Variants in ADK observed in about 807,000 individuals in gnomAD.
The protein encoded by ADK is adenosine kinase, also known as N6,N6-dimethyladenosine kinase.
In ADK, 24 loss-of-function variants were observed where a neutral mutation model predicts 44.7. The observed-to-expected ratio is 0.54, with a 90% CI of 0.39 to 0.76. The LOEUF (loss-of-function observed/expected upper bound fraction) is 0.76, where lower values mean the gene tolerates loss of function less well. Ranked by LOEUF, ADK falls within the 30% of genes least tolerant of loss-of-function variation. The probability of loss-of-function intolerance (pLI) is 0.00; values close to 1 mark genes in which losing one functional copy is unlikely to be tolerated. For synonymous variants in ADK, 128 were observed against 142.6 expected, an observed-to-expected ratio of 0.90 and a Z score of 0.73; for missense variants, 321 against 425.1, an observed-to-expected ratio of 0.76 and a Z score of 2.15.
At chr10:74,283,388 G>T (rs1019728499) in intron 3 of ADK, among the ~76,000 whole-genome samples, 1 of 151,232 alleles carries the variant, frequency 6.6e-6, no homozygotes, top group Non-Finnish European at 1.5e-5. Context: ...GGCATGCTCG[G>T]TTATTTCAGC....
At chr10:74,607,556 G>T (rs189045606) in intron 9 of ADK, among the ~76,000 whole-genome samples, 170 of 152,224 alleles carry the variant, frequency 1.1e-3, no homozygotes, top group African/African-American at 3.5e-3. Context: ...TTGAATGTTG[G>T]TCCTCACTCT....
intron 1 of ADK, 34 bp downstream of exon 1, chr10:74,151,377 G>A (rs972666273): frequency 1.3e-6 from 2 of 1,548,450 alleles, no homozygotes; most frequent in African/African-American, 1.4e-5. Flanking sequence ...GGAGGGTGAC[G>A]GCGCTGCAAG....
intron 2 of ADK, among the ~76,000 whole-genome samples, chr10:74,214,126 C>T (rs916042719): frequency 2.0e-5 from 3 of 152,108 alleles, no homozygotes; most frequent in Non-Finnish European, 4.4e-5. Context: ...ATATTATTTT[C>T]ATAAACCTTG....
rs536685887 is a variant in ADK, at chr10:74,555,588, G to A, written c.726+30162G>A. ...ATCATCCCATTGCACTCTAGCCTGG[G>A]ATACAGAGCAAGACCTTGTCTCGAA... is the stretch of plus-strand genomic sequence containing the variant. On this transcript the variant is annotated intron_variant, in intron 7 of 10. Transcript: ENST00000539909. 4.0e-5 allele frequency among the ~76,000 whole-genome samples: 6 copies of A among 148,390 alleles called. No homozygotes were observed. In the East Asian group the frequency reaches 7.9e-4, roughly 19 times the overall value.
At position 74,686,843 on chromosome 10, in the gene ADK, A is replaced by G. The variant is rs144979688; in HGVS notation, c.964+16574A>G. ...CAGGTGTGCGCCACCACGCCCGGCT[A>G]ATTTTTTGTATTTTAGTAGAGACAG... On this transcript the variant is annotated intron_variant, in intron 10 of 10. Coordinates refer to ENST00000539909, the MANE Select transcript of ADK (RefSeq NM_006721.4). Among the ~76,000 whole-genome samples, 157 of 151,912 alleles carry G rather than the reference A, an allele frequency of 1.0e-3. 3 individuals are homozygous for G. In the East Asian group the frequency reaches 0.029, roughly 28 times the overall value.
chr10:74,455,859 G>A (rs1261607571), intron 6 of ADK, among the ~76,000 whole-genome samples: 1 of 152,152 alleles, frequency 6.6e-6, no homozygotes. Flanking sequence ...GGTTTCTGCA[G>A]AGAGATCTGC....
chr10:74,371,478 C>T (rs763020845), intron 4 of ADK: 30 of 665,780 alleles, frequency 4.5e-5, no homozygotes, highest in African/African-American at 3.0e-4. Flanking sequence ...CCCACATAGA[C>T]GTCCATACGG....
chr10:74,459,953 G>GA (rs1554862196), intron 6 of ADK, among the ~76,000 whole-genome samples: 1 of 151,806 alleles, frequency 6.6e-6, no homozygotes, highest in Non-Finnish European at 1.5e-5. Context: ...TCACTTCTTT[G>GA]TTTTTTTGCT....
chr10:74,586,628 T>C (rs1013214616), intron 7 of ADK, among the ~76,000 whole-genome samples: 6 of 152,094 alleles, frequency 3.9e-5, no homozygotes, highest in Non-Finnish European at 8.8e-5. Flanking sequence ...CCAAGGCAGG[T>C]GGATCACCTG....
intron 1 of ADK, among the ~76,000 whole-genome samples, chr10:74,187,011 A>G (rs1842789481): frequency 6.6e-6 from 1 of 152,174 alleles, no homozygotes; most frequent in African/African-American, 2.4e-5. Flanking sequence ...TTTAGAAACC[A>G]CTAAACTTTT....
intron 10 of ADK, among the ~76,000 whole-genome samples, chr10:74,707,344 G>A (rs557164796): frequency 9.0e-4 from 137 of 152,254 alleles, no homozygotes; most frequent in African/African-American, 2.9e-3. Flanking sequence ...CTTATTCTTA[G>A]TAACTTCTAA....
intron 4 of ADK, among the ~76,000 whole-genome samples, chr10:74,332,488 A>G (rs1158845372): frequency 6.6e-6 from 1 of 152,220 alleles, no homozygotes; most frequent in Non-Finnish European, 1.5e-5. Flanking sequence ...AGACTAGTAT[A>G]ATTATTCATG....
At chr10:74,399,542 T>C (rs1300422155) in intron 6 of ADK, among the ~76,000 whole-genome samples, 1 of 151,924 alleles carries the variant, frequency 6.6e-6, no homozygotes, top group Admixed American at 6.6e-5. Flanking sequence ...TTGAGAAGAT[T>C]ATATAATGGA....
chr10:74,282,394 A>T (rs534819421), intron 3 of ADK, among the ~76,000 whole-genome samples: 29 of 152,326 alleles, frequency 1.9e-4, no homozygotes, highest in South Asian at 8.3e-4. Context: ...AAACTGTGAA[A>T]GGGGTTTAAG....
At chr10:74,454,363 C>T (rs2133202116) in intron 6 of ADK, among the ~76,000 whole-genome samples, 1 of 151,688 alleles carries the variant, frequency 6.6e-6, no homozygotes, top group South Asian at 2.1e-4. Context: ...CTCATTTATG[C>T]AAAAAATATT....
intron 10 of ADK, among the ~76,000 whole-genome samples, chr10:74,707,667 G>A (rs1443032355): frequency 6.6e-6 from 1 of 150,854 alleles, no homozygotes; most frequent in Non-Finnish European, 1.5e-5. Context: ...GGAGCCTGAG[G>A]CAGAAGAATG....
At chr10:74,373,309 A>G (rs1842725678) in intron 4 of ADK, among the ~76,000 whole-genome samples, 1 of 152,188 alleles carries the variant, frequency 6.6e-6, no homozygotes, top group African/African-American at 2.4e-5. Flanking sequence ...CAATAAGAGA[A>G]AAGAATAAAT....
At chr10:74,516,064 A>T (rs1287448018) in intron 6 of ADK, among the ~76,000 whole-genome samples, 1 of 152,142 alleles carries the variant, frequency 6.6e-6, no homozygotes, top group Non-Finnish European at 1.5e-5. Flanking sequence ...CAGTGGTGGG[A>T]TGGGGAGTAC....
intron 7 of ADK, among the ~76,000 whole-genome samples, chr10:74,572,224 G>C (rs957504841): frequency 4.6e-5 from 7 of 152,160 alleles, no homozygotes; most frequent in Admixed American, 6.5e-5. Context: ...CTCAGCATTT[G>C]CTTGTCTGTA....
Sources: allele counts gnomAD v4.1 joint callset (sites outside exome capture counted in the v4.1 genomes callset), GRCh38; gene constraint gnomAD v4.1.1; transcripts MANE v1.5; gene names NCBI Gene and HGNC (gene_info 2026-07-23, HGNC 2026-07-21).